Variants in COL17A1 observed in about 807,000 individuals in gnomAD.
COL17A1 encodes collagen alpha-1(XVII) chain.
Under a neutral mutation model 218.4 loss-of-function variants are expected in COL17A1, and 181 were observed. That is an observed-to-expected ratio of 0.83 (90% CI 0.73 to 0.94). The LOEUF (loss-of-function observed/expected upper bound fraction) is 0.94, where lower values mean the gene tolerates loss of function less well. Ranked by LOEUF, COL17A1 falls within the 40% of genes least tolerant of loss-of-function variation. COL17A1 has a pLI of 0.00. For synonymous variants in COL17A1, 721 were observed against 731.0 expected (o/e 0.99, Z 0.22); for missense variants, 1,924 against 1,945.9 (o/e 0.99, Z 0.21).
Position 104,054,110 on chromosome 10 carries a change from C to G in COL17A1, c.1753G>C (p.Gly585Arg). The G allele has an allele frequency of 2.5e-6, 4 of 1,609,812 alleles. No homozygotes were observed. The highest frequency in any genetic ancestry group is 3.4e-6 in the Non-Finnish European group (4 of 1,178,028). Residue 585 changes from glycine (G) to arginine (R), a missense_variant, in exon 21 of 56, where the codon GGG (glycine) becomes CGG (arginine). Coordinates refer to ENST00000648076, the MANE Select transcript of COL17A1 (RefSeq NM_000494.4). ...MGSPGPKGDRGFPGTPGIPGP... is the reference protein window; with the variant it reads ...MGSPGPKGDRRFPGTPGIPGP... ...TACATACCTGGAGTCCCAGGGAACC[C>G]TCGATCTCCTGCAGGAACAAAGGCA... is the stretch of plus-strand genomic sequence containing the variant.
chr10:104,055,189 A>G, intron 19 of COL17A1, 182 bp from the exon 20 acceptor site: 1 of 1,418,464 alleles, frequency 7.0e-7, no homozygotes, highest in Middle Eastern at 1.8e-4. Context: ...CTTCTCTTAG[A>G]TGCTGCCTTA....
intron 35 of COL17A1, 62 bp from the exon 36 acceptor site, chr10:104,042,517 A>C: frequency 6.5e-7 from 1 of 1,532,714 alleles, no homozygotes; most frequent in Non-Finnish European, 9.0e-7. Context: ...GGAAGAACTA[A>C]AGGCATAATT....
Position 104,057,071 on chromosome 10 carries a change from G to A in COL17A1, c.1369C>T (p.Pro457Ser). The A allele has an allele frequency of 1.9e-6, 3 of 1,611,356 alleles. No individual in the cohort carries two copies. The highest frequency in any genetic ancestry group is 1.1e-5 in the South Asian group (1 of 90,986). ...GPWGPAPAWCPCGSCCSWWKW... is the reference protein window; with the variant it reads ...GPWGPAPAWCSCGSCCSWWKW... Reference sequence around the variant, plus strand: ...CACCAGCTGCAGCAGGAGCCGCAGGGGCACCAGGCTGGCGCTGGTCCCCAA... The same window carrying A: ...CACCAGCTGCAGCAGGAGCCGCAGGAGCACCAGGCTGGCGCTGGTCCCCAA... Residue 457 changes from proline to serine, a missense_variant, in exon 17 of 56, where the codon CCC (proline) becomes TCC (serine). Pro to Ser is a moderately conservative substitution (Grantham distance 74). Transcript: ENST00000648076.
rs2086658710 is a variant in COL17A1 at position 104,070,313 on chromosome 10, C to T, written c.607+113G>A. On this transcript the variant is annotated intron_variant, in intron 9 of 55. Transcript: ENST00000648076. ...CTAGCTGGAATGAGATTTGGTGGGCCCCAATTTCAAGTCTCACTTTCACTG... is the reference window on the plus strand; with the variant it reads ...CTAGCTGGAATGAGATTTGGTGGGCTCCAATTTCAAGTCTCACTTTCACTG... 5 of 1,553,874 alleles carry T rather than the reference C, an allele frequency of 3.2e-6. No homozygotes were observed. The South Asian group carries it at 4.7e-5, about 15-fold the overall frequency.
At position 104,065,079 on chromosome 10, in the gene COL17A1, A is replaced by AAG. The variant is rs1418030223; in HGVS notation, c.608-484_608-483insCT. Among the ~76,000 whole-genome samples, 17 of 152,326 alleles carry AAG rather than the reference A, an allele frequency of 1.1e-4. No individual in the cohort carries two copies. The East Asian group carries it at 3.1e-3, about 28-fold the overall frequency. On this transcript the variant is annotated intron_variant, in intron 9 of 55. Coordinates refer to ENST00000648076, the MANE Select transcript of COL17A1 (RefSeq NM_000494.4). ...GCAGGGGAGTCCTTGGTCTGGGGCC[A>AAG]CACTGCATGCCTGGCAGCCTTCTCT... is the stretch of plus-strand genomic sequence containing the variant.
intron 15 of COL17A1, 134 bp from the exon 16 acceptor site, chr10:104,058,324 T>C: frequency 9.5e-7 from 1 of 1,053,742 alleles, no homozygotes; most frequent in Non-Finnish European, 1.4e-6. Context: ...ACATCCAGCA[T>C]CTCAGTCCTC....
intron 18 of COL17A1, 43 bp from the exon 19 acceptor site, chr10:104,055,444 T>TCTCACGCA (rs372506043): frequency 1.0e-6 from 1 of 991,394 alleles, no homozygotes; most frequent in Non-Finnish European, 1.5e-6. Flanking sequence ...ACATCTCCTG[T>TCTCACGCA]CACACACACA....
At chr10:104,037,797 A>G (rs1209363590) in intron 45 of COL17A1, 24 bp from the exon 46 acceptor site, 3 of 1,612,250 alleles carry the variant, frequency 1.9e-6, no homozygotes, top group South Asian at 1.1e-5. Context: ...AACAAAGCAA[A>G]GTCAAGCCTG....
At chr10:104,056,721 G>A (rs1054173711) in intron 17 of COL17A1, among the ~76,000 whole-genome samples, 11 of 152,192 alleles carry the variant, frequency 7.2e-5, no homozygotes, top group Admixed American at 3.9e-4. Flanking sequence ...GCCTACAGGT[G>A]TAGCAAGGGT....
At chr10:104,085,267 G>A (rs1031909543) in intron 1 of COL17A1, among the ~76,000 whole-genome samples, 5 of 152,186 alleles carry the variant, frequency 3.3e-5, no homozygotes, top group Admixed American at 1.3e-4. Flanking sequence ...ACTGTTTCTA[G>A]AAGGCCCCCT....
intron 44 of COL17A1, 136 bp downstream of exon 44, chr10:104,038,935 C>T (rs12573593): frequency 4.8e-6 from 5 of 1,045,436 alleles, no homozygotes; most frequent in Non-Finnish European, 7.6e-6. Flanking sequence ...CTCATAGGTC[C>T]TAGCACATGG....
chr10:104,053,909 G>A lies in COL17A1; in HGVS notation c.1834+11C>T. The A allele has an allele frequency of 6.7e-7, 1 of 1,501,140 alleles. No individual in the cohort carries two copies. Among genetic ancestry groups the A allele is most frequent in the Non-Finnish European group, 9.3e-7 (1 of 1,077,996 alleles). 93.0% of individuals were successfully genotyped at this position (1,501,140 alleles called of 1,614,324 possible). ...GAGGAATAAATGAATAAAGAAAAAT[G>A]TGTTTCTTACCCACGCTGCCTTTTT... On this transcript the variant is annotated intron_variant, in intron 22 of 55. Transcript: ENST00000648076.
In COL17A1 at chr10:104,034,002, A is replaced by G. The variant is rs1318915210; in HGVS notation, c.4099T>C (p.Phe1367Leu). The change falls in exon 52 of 56, where the codon TTT (phenylalanine) becomes CTT (leucine). Residue 1367 changes from phenylalanine (F) to leucine (L), a missense_variant. By Grantham distance (22) the Phe-to-Leu change is conservative. Coordinates refer to ENST00000648076, the MANE Select transcript of COL17A1 (RefSeq NM_000494.4). ...AGNGGLLGAD[F>L]AGDLDYNELA... The stretch of plus-strand genomic sequence containing the variant: ...TCATTGTAATCCAGATCTCCAGCAA[A>G]GTCAGCTCCCAATAGTCCGCCATTG... 3 of 1,614,050 alleles carry G rather than the reference A, an allele frequency of 1.9e-6. No individual in the cohort carries two copies. Among genetic ancestry groups the G allele is most frequent in the Non-Finnish European group, 1.7e-6 (2 of 1,180,034 alleles).
chr10:104,051,372 G>A (rs1270398023), intron 25 of COL17A1, 109 bp downstream of exon 25: 23 of 1,380,478 alleles, frequency 1.7e-5, no homozygotes, highest in African/African-American at 2.8e-5. Flanking sequence ...ATCTCTAGGA[G>A]GCTTGCTTTA....
At chr10:104,084,908 T>A (rs1027376893) in intron 1 of COL17A1, among the ~76,000 whole-genome samples, 9 of 152,192 alleles carry the variant, frequency 5.9e-5, no homozygotes, top group African/African-American at 2.2e-4. Context: ...ATTAACTACT[T>A]CTCAAAAGAA....
chr10:104,075,944 C>T (rs1246532373), intron 5 of COL17A1, among the ~76,000 whole-genome samples: 3 of 152,238 alleles, frequency 2.0e-5, no homozygotes, highest in Non-Finnish European at 4.4e-5. Flanking sequence ...CTACTTTATA[C>T]AATTGTATTT....
chr10:104,056,002 C>T lies in COL17A1; in HGVS notation c.1467G>A (p.Ala489=), dbSNP rs749900346. The T allele has an allele frequency of 1.8e-5, 29 of 1,614,092 alleles. No homozygotes were observed. The highest frequency in any genetic ancestry group is 1.2e-4 in the Admixed American group (7 of 60,014). Reference sequence around the variant, plus strand: ...GCGCCTTCAGCTTCCTCACCTCCTCCGCTGCAACAAACAGACACACACTGC... The same window carrying T: ...GCGCCTTCAGCTTCCTCACCTCCTCTGCTGCAACAAACAGACACACACTGC... ...LGLLFGLIAL[A]EEVRKLKARV... Residue 489 remains alanine, a splice_region_variant and synonymous_variant, in exon 18 of 56, where the codon GCG becomes GCA. Coordinates refer to ENST00000648076, the MANE Select transcript of COL17A1 (RefSeq NM_000494.4).
At chr10:104,039,309 C>T in intron 43 of COL17A1, 136 bp downstream of exon 43, 1 of 1,112,432 alleles carries the variant, frequency 9.0e-7, no homozygotes, top group East Asian at 2.4e-5. Context: ...ACCCTCTGGC[C>T]TTTCCTTCCT....
At chr10:104,081,895 C>T (rs1038244388) in intron 1 of COL17A1, among the ~76,000 whole-genome samples, 3 of 152,132 alleles carry the variant, frequency 2.0e-5, no homozygotes, top group Non-Finnish European at 4.4e-5. Flanking sequence ...CTTCTTTATA[C>T]CAGTGCAGTT....
Sources: gnomAD v4.1 joint callset for allele counts (sites outside exome capture counted in the v4.1 genomes callset) on GRCh38, gnomAD v4.1.1 for gene constraint, MANE v1.5 for transcripts, NCBI Gene and HGNC (gene_info 2026-07-23, HGNC 2026-07-21) for gene names.